C5orf63: variants seen among roughly 807,000 people sequenced by gnomAD.
The protein encoded by C5orf63 is chromosome 5 open reading frame 63.
Under a neutral mutation model 13.3 loss-of-function variants are expected in C5orf63, and 18 were observed. The observed-to-expected ratio is 1.36, with a 90% CI of 0.94 to 2.01. The LOEUF (loss-of-function observed/expected upper bound fraction) is 2.01. Among genes scored for constraint, C5orf63 ranks in the 30% most tolerant of loss-of-function variants. The probability of loss-of-function intolerance (pLI) is 0.00; values close to 1 mark genes in which losing one functional copy is unlikely to be tolerated. For missense variants in C5orf63, 118 were observed against 127.7 expected (o/e 0.92, Z 0.36); for synonymous variants, 38 against 44.7 (o/e 0.85, Z 0.60).
chr5:127,060,764 T>C (rs1218973231), intron 2 of C5orf63, among the ~76,000 whole-genome samples: 1 of 151,974 alleles, frequency 6.6e-6, no homozygotes, highest in Non-Finnish European at 1.5e-5. Flanking sequence ...TCTCCTCACT[T>C]GGCCTGGGCC....
chr5:127,060,895 C>A (rs1754078448), intron 2 of C5orf63, among the ~76,000 whole-genome samples: 1 of 152,148 alleles, frequency 6.6e-6, no homozygotes, highest in Admixed American at 6.5e-5. Context: ...TTATTTATGT[C>A]CCCTCCACTA....
intron 2 of C5orf63, among the ~76,000 whole-genome samples, chr5:127,068,062 G>T (rs1303939971): frequency 6.6e-6 from 1 of 152,108 alleles, no homozygotes; most frequent in East Asian, 1.9e-4. Context: ...AAAACCCAAA[G>T]AGGGAGGCAA....
downstream of C5orf63, among the ~76,000 whole-genome samples, chr5:127,051,026 A>G (rs1180320366): frequency 6.6e-6 from 1 of 152,218 alleles, no homozygotes; most frequent in Non-Finnish European, 1.5e-5. Context: ...TTAAAATTTG[A>G]CTTAAAAAAA....
chr5:127,043,551 C>T (rs188967209), downstream of C5orf63: 44 of 152,306 alleles, frequency 2.9e-4, no homozygotes, highest in African/African-American at 1.1e-3. Context: ...GAATCAATCC[C>T]ACAATCTGAT....
intron 1 of C5orf63, chr5:127,072,972 A>G (rs1481100852): frequency 1.3e-5 from 2 of 152,212 alleles, no homozygotes; most frequent in Admixed American, 6.5e-5. Flanking sequence ...GGCACTCACA[A>G]TGTTCCCTGC....
intron 2 of C5orf63, among the ~76,000 whole-genome samples, chr5:127,060,489 G>T (rs1206327720): frequency 6.6e-6 from 1 of 152,212 alleles, no homozygotes; most frequent in Admixed American, 6.5e-5. Context: ...CCTGAAAACT[G>T]TAAATATTAT....
chr5:127,057,490 T>C (rs1056765051), intron 3 of C5orf63, among the ~76,000 whole-genome samples: 13 of 152,224 alleles, frequency 8.5e-5, no homozygotes, highest in Admixed American at 2.0e-4. Flanking sequence ...CTGTTAAATA[T>C]TTTAAAACTA....
At chr5:127,069,674 A>C (rs1021284963) in intron 2 of C5orf63, among the ~76,000 whole-genome samples, 1 of 152,238 alleles carries the variant, frequency 6.6e-6, no homozygotes, top group African/African-American at 2.4e-5. Context: ...GTAGAAATAC[A>C]GTCTTCAATC....
intron 3 of C5orf63, among the ~76,000 whole-genome samples, chr5:127,053,146 T>C (rs774002851): frequency 2.0e-5 from 3 of 152,190 alleles, no homozygotes; most frequent in African/African-American, 4.8e-5. Flanking sequence ...TGGAGTCAGA[T>C]AGTAATTGCC....
chr5:127,049,915 T>C (rs1039404286), downstream of C5orf63, among the ~76,000 whole-genome samples: 2 of 152,192 alleles, frequency 1.3e-5, no homozygotes, highest in African/African-American at 4.8e-5. Context: ...GCTATAGGAC[T>C]GATGTCCCTA....
chr5:127,054,988 T>C (rs546934315), intron 3 of C5orf63, among the ~76,000 whole-genome samples: 13 of 152,348 alleles, frequency 8.5e-5, no homozygotes, highest in African/African-American at 2.9e-4. Flanking sequence ...ATTTATTAAA[T>C]AGGAAATCCT....
Position 127,053,118 on chromosome 5 carries a change from G to C in C5orf63, c.115-449C>G, listed in dbSNP as rs369277429. The stretch of plus-strand genomic sequence containing the variant: ...GCCTGTTTTTCCTAATCAGTCCACA[G>C]GAAGAAACCCATTAGGATGGAGTCA... On this transcript the variant is annotated intron_variant, in intron 3 of 4. Coordinates refer to ENST00000296662, the MANE Select transcript of C5orf63 (RefSeq NM_001164478.2). Among the ~76,000 whole-genome samples the C allele has an allele frequency of 6.6e-5, 10 of 152,264 alleles. No homozygotes were observed. The East Asian group carries it at 1.9e-3, about 29-fold the overall frequency.
At chr5:127,057,151 T>C (rs950902311) in intron 3 of C5orf63, among the ~76,000 whole-genome samples, 7 of 152,222 alleles carry the variant, frequency 4.6e-5, no homozygotes, top group South Asian at 2.1e-4. Flanking sequence ...TGATGAAATA[T>C]TTTTGGTTCC....
chr5:127,052,906 C>T (rs1455120179), intron 3 of C5orf63, among the ~76,000 whole-genome samples: 1 of 152,086 alleles, frequency 6.6e-6, no homozygotes, highest in Non-Finnish European at 1.5e-5. Context: ...GATTTTTCTC[C>T]ATAAATCAAG....
intron 3 of C5orf63, among the ~76,000 whole-genome samples, chr5:127,055,760 C>T (rs910454889): frequency 6.6e-6 from 1 of 152,122 alleles, no homozygotes; most frequent in Non-Finnish European, 1.5e-5. Flanking sequence ...TGCTAAATTA[C>T]AGAAGTACCA....
At chr5:127,049,224 C>T (rs1753597174), downstream of C5orf63, among the ~76,000 whole-genome samples, 1 of 152,078 alleles carries the variant, frequency 6.6e-6, no homozygotes, top group Non-Finnish European at 1.5e-5. Context: ...GATGCTGGGC[C>T]AAAAGCACAT....
chr5:127,066,559 G>C (rs996514030), intron 2 of C5orf63, among the ~76,000 whole-genome samples: 16 of 152,040 alleles, frequency 1.1e-4, no homozygotes, highest in African/African-American at 3.9e-4. Flanking sequence ...GGCAGTGCCT[G>C]TTACTAAAAT....
chr5:127,047,249 A>G (rs1753539205), downstream of C5orf63: 1 of 154,234 alleles, frequency 6.5e-6, no homozygotes, highest in South Asian at 2.0e-4. Context: ...TTGGAGGTGA[A>G]TGATGAGCTT....
At position 127,051,935 on chromosome 5, in the gene C5orf63, C is replaced by T. The variant is rs929811668; in HGVS notation, c.184G>A (p.Glu62Lys). The T allele has an allele frequency of 2.7e-6, 4 of 1,506,394 alleles. No homozygotes were observed. Among genetic ancestry groups the T allele is most frequent in the Non-Finnish European group, 2.6e-6 (3 of 1,132,768 alleles). The allele number at this position is 1,506,394 out of a possible 1,614,324, so 93.3% of individuals were successfully genotyped here. Residue 62 changes from glutamate to lysine, a missense_variant, in exon 5 of 5, where the codon GAG becomes AAG. Physicochemically the swap from Glu to Lys is moderately conservative, Grantham distance 56. Coordinates refer to ENST00000296662, the MANE Select transcript of C5orf63 (RefSeq NM_001164478.2). ...KPYENRFILQEVNITLPENSV... is the reference protein window; with the variant it reads ...KPYENRFILQKVNITLPENSV... ...TTTTCTGGAAGTGTGATGTTCACCT[C>T]CTGTAAAATGAACTGAAACAGAGAC...
Sources: allele counts gnomAD v4.1 joint callset (sites outside exome capture counted in the v4.1 genomes callset), GRCh38; gene constraint gnomAD v4.1.1; transcripts MANE v1.5; gene names NCBI Gene and HGNC (gene_info 2026-07-23, HGNC 2026-07-21).